Variants in COL28A1 observed in about 807,000 individuals in gnomAD.
COL28A1 encodes collagen type XXVIII alpha 1 chain.
A neutral mutation model predicts 150.2 loss-of-function variants in COL28A1; 161 were observed. The ratio of observed to expected loss-of-function variants is 1.07; its 90% confidence interval spans 0.94 to 1.22. The LOEUF is 1.22. Ranked by LOEUF, COL28A1 falls within the 50% of genes most tolerant of loss-of-function variation. COL28A1 has a pLI of 0.00. For synonymous variants in COL28A1, 552 were observed against 469.7 expected (o/e 1.18, Z -2.26); for missense variants, 1,617 against 1,388.3 (o/e 1.16, Z -2.62).
chr7:7,525,044 T>G (rs558992703), intron 3 of COL28A1, among the ~76,000 whole-genome samples: 1 of 152,244 alleles, frequency 6.6e-6, no homozygotes, highest in Non-Finnish European at 1.5e-5. Context: ...CTGGCTAACT[T>G]AGGGGAAAAA....
chr7:7,519,813 G>A (rs1781613361), intron 6 of COL28A1, among the ~76,000 whole-genome samples: 1 of 152,064 alleles, frequency 6.6e-6, no homozygotes, highest in Non-Finnish European at 1.5e-5. Flanking sequence ...ACTAGTTTCT[G>A]TTTATTCAAT....
intron 23 of COL28A1, among the ~76,000 whole-genome samples, chr7:7,434,722 A>G (rs1208530760): frequency 6.6e-6 from 1 of 152,226 alleles, no homozygotes; most frequent in African/African-American, 2.4e-5. Flanking sequence ...AACAGGAAAT[A>G]TCAAGGAGCA....
At chr7:7,384,255 T>C (rs1187571473) in intron 27 of COL28A1, among the ~76,000 whole-genome samples, 1 of 152,210 alleles carries the variant, frequency 6.6e-6, no homozygotes, top group Admixed American at 6.5e-5. Context: ...TATGCAGTGT[T>C]GCACTACAAT....
At position 7,358,410 on chromosome 7, in the gene COL28A1, G is replaced by T; in HGVS notation, c.*223C>A. 2 of 428,698 alleles carry T rather than the reference G, an allele frequency of 4.7e-6. No homozygotes were observed. Among genetic ancestry groups the T allele is most frequent in the Non-Finnish European group, 8.3e-6 (2 of 242,018 alleles). 26.6% of individuals were successfully genotyped at this position (428,698 alleles called of 1,614,324 possible). On this transcript the variant is annotated 3_prime_UTR_variant, in exon 35 of 35. Coordinates refer to ENST00000399429, the MANE Select transcript of COL28A1 (RefSeq NM_001037763.3). ...TCCTCAGCTCTGAAACTTTTTAGTT[G>T]GGTGACAGTTGACAAGTTACTAAAC...
intron 27 of COL28A1, among the ~76,000 whole-genome samples, chr7:7,414,499 C>T (rs988036207): frequency 3.9e-5 from 6 of 152,206 alleles, no homozygotes; most frequent in African/African-American, 7.2e-5. Flanking sequence ...CAGGAGGCTG[C>T]CATGGTACTA....
At chr7:7,398,945 A>C (rs1229909786) in intron 27 of COL28A1, among the ~76,000 whole-genome samples, 1 of 152,144 alleles carries the variant, frequency 6.6e-6, no homozygotes, top group African/African-American at 2.4e-5. Context: ...GGTTTCTGCC[A>C]GGGTCCCTTA....
intron 30 of COL28A1, among the ~76,000 whole-genome samples, chr7:7,378,980 G>A (rs1781717784): frequency 6.6e-6 from 1 of 152,140 alleles, no homozygotes; most frequent in African/African-American, 2.4e-5. Flanking sequence ...CTGCTGTTTG[G>A]CCACTTCTTG....
At chr7:7,505,534 G>A (rs1780761322) in intron 11 of COL28A1, among the ~76,000 whole-genome samples, 1 of 151,988 alleles carries the variant, frequency 6.6e-6, no homozygotes, top group Non-Finnish European at 1.5e-5. Flanking sequence ...GGTTATCTGT[G>A]GACTGATACT....
intron 13 of COL28A1, among the ~76,000 whole-genome samples, chr7:7,486,920 A>G (rs566065061): frequency 1.3e-5 from 2 of 152,074 alleles, no homozygotes; most frequent in Non-Finnish European, 2.9e-5. Flanking sequence ...TATGTTTAGT[A>G]TTTTGTTTTG....
At chr7:7,493,215 G>T (rs1186169294) in intron 11 of COL28A1, among the ~76,000 whole-genome samples, 1 of 151,700 alleles carries the variant, frequency 6.6e-6, no homozygotes, top group Non-Finnish European at 1.5e-5. Context: ...TTCTGTAATG[G>T]GTCAGAAGGC....
At chr7:7,438,150 G>A (rs953669991) in intron 21 of COL28A1, among the ~76,000 whole-genome samples, 2 of 152,062 alleles carry the variant, frequency 1.3e-5, no homozygotes, top group African/African-American at 4.8e-5. Flanking sequence ...TACTCAAGAG[G>A]CTGAGGCAGG....
chr7:7,484,852 C>T (rs144120775), intron 13 of COL28A1, among the ~76,000 whole-genome samples: 24 of 152,148 alleles, frequency 1.6e-4, no homozygotes, highest in African/African-American at 4.6e-4. Flanking sequence ...GAGCTAGAAG[C>T]GCTTATCCTT....
chr7:7,432,449 A>T lies in COL28A1; in HGVS notation c.1998+24T>A, dbSNP rs767735900. Reference sequence around the variant, plus strand: ...TATAGGTGCACTCTTAGAAGCTAGTACGTTGCCTACTTTAAAGTCTTACCT... The same window carrying T: ...TATAGGTGCACTCTTAGAAGCTAGTTCGTTGCCTACTTTAAAGTCTTACCT... On this transcript the variant is annotated intron_variant, in intron 25 of 34. Coordinates refer to ENST00000399429, the MANE Select transcript of COL28A1 (RefSeq NM_001037763.3). The T allele has an allele frequency of 3.7e-5, 60 of 1,607,184 alleles. No individual in the cohort carries two copies. The East Asian group carries it at 1.3e-3, about 35-fold the overall frequency.
At chr7:7,437,779 G>A (rs2128317779) in intron 21 of COL28A1, among the ~76,000 whole-genome samples, 1 of 152,264 alleles carries the variant, frequency 6.6e-6, no homozygotes, top group South Asian at 2.1e-4. Flanking sequence ...TGTATGTTGG[G>A]AAGCTCAAAG....
At chr7:7,350,537 C>G in the COL28A1 span, among the ~76,000 whole-genome samples, 96 of 152,090 alleles carry the variant, frequency 6.3e-4, no homozygotes, top group African/African-American at 2.2e-3. Context: ...AAAGTCTATA[C>G]CAATTCCAAT....
At chr7:7,534,363 T>C (rs1172376738) in intron 1 of COL28A1, among the ~76,000 whole-genome samples, 1 of 152,180 alleles carries the variant, frequency 6.6e-6, no homozygotes, top group East Asian at 1.9e-4. Flanking sequence ...CCTCAAGTTG[T>C]CCCTTTGCTA....
Position 7,527,743 on chromosome 7 carries a change from T to C in COL28A1, c.682-3494A>G, listed in dbSNP as rs1782111023. On this transcript the variant is annotated intron_variant, in intron 3 of 34. Coordinates refer to ENST00000399429, the MANE Select transcript of COL28A1 (RefSeq NM_001037763.3). ...AATGGATTCATATATATGGCATATATTCACATATACTATATATGCAAAACC... is the reference window on the plus strand; with the variant it reads ...AATGGATTCATATATATGGCATATACTCACATATACTATATATGCAAAACC... 2.0e-5 allele frequency among the ~76,000 whole-genome samples: 3 copies of C among 152,180 alleles called. No homozygotes were observed. The South Asian group carries it at 6.2e-4, about 31-fold the overall frequency.
At chr7:7,447,427 TTAATAA>T (rs1213914334) in intron 18 of COL28A1, among the ~76,000 whole-genome samples, 2 of 151,094 alleles carry the variant, frequency 1.3e-5, no homozygotes, top group Non-Finnish European at 3.0e-5. Context: ...AATATTAATA[TTAATAA>T]TAATATTTAA....
At chr7:7,490,538 T>C (rs936575741) in intron 12 of COL28A1, 40 bp downstream of exon 12, 2 of 889,592 alleles carry the variant, frequency 2.2e-6, no homozygotes, top group Non-Finnish European at 3.8e-6. Context: ...CTACAATAAA[T>C]TCAACAGTCA....
Sources: allele counts gnomAD v4.1 joint callset (sites outside exome capture counted in the v4.1 genomes callset), GRCh38; gene constraint gnomAD v4.1.1; transcripts MANE v1.5; gene names NCBI Gene and HGNC (gene_info 2026-07-23, HGNC 2026-07-21).